The following TMEM164 variants were observed in gnomAD, a reference collection of about 807,000 sequenced individuals.
The protein encoded by TMEM164 is transmembrane protein 164, also known as RP13-360B22.2.
TMEM164 carries 4 observed loss-of-function variants against 18.8 expected under a neutral mutation model. That is an observed-to-expected ratio of 0.21 (90% confidence interval 0.10 to 0.49). The LOEUF (loss-of-function observed/expected upper bound fraction) is 0.49. Ranked by LOEUF, TMEM164 falls within the 20% of genes least tolerant of loss-of-function variation. The pLI is 0.98. For missense variants in TMEM164, 108 were observed against 239.9 expected (o/e 0.45, Z 3.63); for synonymous variants, 86 against 101.7 (o/e 0.85, Z 0.93).
At chrX:110,115,326 T>C (rs1245595886) in intron 4 of TMEM164, among the ~76,000 whole-genome samples, 1 of 112,435 alleles carries the variant, frequency 8.9e-6, no homozygotes, top group Non-Finnish European at 1.9e-5. Context: ...TGTCCCTTTA[T>C]TATCCTGAGG....
intron 6 of TMEM164, among the ~76,000 whole-genome samples, chrX:110,171,865 G>A (rs1440949752): frequency 8.9e-6 from 1 of 112,093 alleles, no homozygotes; most frequent in Non-Finnish European, 1.9e-5. Context: ...TTGGCCTGGG[G>A]GAGTCTTCTG....
At chrX:110,116,138 A>C (rs1000643153) in intron 4 of TMEM164, among the ~76,000 whole-genome samples, 3 of 112,047 alleles carry the variant, frequency 2.7e-5, no homozygotes, top group Admixed American at 9.5e-5. Context: ...TTGACTGCTA[A>C]ATTGCAGTTG....
intron 5 of TMEM164, among the ~76,000 whole-genome samples, chrX:110,170,293 AC>A (rs1299370994): frequency 1.8e-5 from 2 of 112,392 alleles, no homozygotes; most frequent in Admixed American, 9.3e-5. Context: ...GGTGGCGCAG[AC>A]CTCAGTCATC....
chrX:110,042,292 T>C (rs1935131283), intron 2 of TMEM164, among the ~76,000 whole-genome samples: 2 of 111,738 alleles, frequency 1.8e-5, no homozygotes, highest in South Asian at 7.5e-4. Context: ...ATATAATATT[T>C]GTCCTTTTAT....
chrX:110,128,534 T>C (rs2148024239), intron 4 of TMEM164, among the ~76,000 whole-genome samples: 1 of 111,741 alleles, frequency 8.9e-6, no homozygotes. Context: ...TCTTATTCTG[T>C]TTGGGAGCCT....
In TMEM164 at chrX:110,109,193, C is replaced by T. The variant is rs1160292752; in HGVS notation, c.507+47C>T. 2.5e-5 allele frequency: 28 copies of T among 1,107,656 alleles called. No individual in the cohort carries two copies. In the Admixed American group the frequency reaches 6.2e-4, roughly 24 times the overall value. 91.3% of individuals were successfully genotyped at this position (1,107,656 alleles called of 1,213,427 possible). A position where few individuals can be genotyped will look rare whatever the true frequency, so the allele number is the denominator to read the frequency against. On this transcript the variant is annotated intron_variant, in intron 4 of 6. Coordinates refer to ENST00000372068, the MANE Select transcript of TMEM164 (RefSeq NM_032227.4). ...TGTAACAGCAACATGCAAAGCAGTA[C>T]TTGCCTATATGCCCATGTGATTTTA...
chrX:110,014,559 C>T (rs905912459), intron 2 of TMEM164, among the ~76,000 whole-genome samples: 1 of 110,340 alleles, frequency 9.1e-6, no homozygotes, highest in Non-Finnish European at 1.9e-5. Context: ...GGAAGCTTAG[C>T]TTTCCGGGGA....
At chrX:110,093,488 T>C (rs773627625) in intron 3 of TMEM164, among the ~76,000 whole-genome samples, 53 of 112,414 alleles carry the variant, frequency 4.7e-4, no homozygotes, top group African/African-American at 1.6e-3. Context: ...GAGGTCTTTA[T>C]AGTATTCTCT....
At chrX:110,131,389 G>C (rs1374442494) in intron 4 of TMEM164, among the ~76,000 whole-genome samples, 1 of 111,595 alleles carries the variant, frequency 9.0e-6, no homozygotes, top group East Asian at 2.8e-4. Context: ...TACAATATGG[G>C]TGGAGGGTAA....
intron 4 of TMEM164, among the ~76,000 whole-genome samples, chrX:110,118,473 A>C (rs1331323829): frequency 9.0e-6 from 1 of 111,552 alleles, no homozygotes; most frequent in Non-Finnish European, 1.9e-5. Flanking sequence ...CCACTGTTAG[A>C]TAATGGTAAG....
At chrX:110,034,562 A>G (rs933642271) in intron 2 of TMEM164, among the ~76,000 whole-genome samples, 14 of 112,145 alleles carry the variant, frequency 1.2e-4, no homozygotes, top group Non-Finnish European at 3.8e-5. Flanking sequence ...AAAACTATAT[A>G]CAAATCAGTC....
chrX:110,113,609 T>C (rs2066321500), intron 4 of TMEM164, among the ~76,000 whole-genome samples: 1 of 112,117 alleles, frequency 8.9e-6, no homozygotes. Flanking sequence ...ACTGGTACCA[T>C]AGACATACAT....
At position 110,136,244 on chromosome X, in the gene TMEM164, G is replaced by T. The variant is rs1373999336; in HGVS notation, c.508-8554G>T. On this transcript the variant is annotated intron_variant, in intron 4 of 6. Transcript: ENST00000372068. ...TATTCTGTACCATGAATTCATCGTG[G>T]TTTTTTTAACTAGTCCCCTATTGAT... Among the ~76,000 whole-genome samples the T allele has an allele frequency of 1.4e-4, 16 of 111,205 alleles. 1 individual carries two copies. Among genetic ancestry groups the T allele is most frequent in the Non-Finnish European group, 2.8e-4 (15 of 53,018 alleles).
chrX:110,137,014 G>A (rs989258037), intron 4 of TMEM164, among the ~76,000 whole-genome samples: 2 of 112,138 alleles, frequency 1.8e-5, no homozygotes, highest in Non-Finnish European at 3.8e-5. Context: ...GGTGTGTGAA[G>A]AAAATGTTAG....
At chrX:110,044,106 C>G (rs1420571575) in intron 2 of TMEM164, among the ~76,000 whole-genome samples, 1 of 112,331 alleles carries the variant, frequency 8.9e-6, no homozygotes, top group African/African-American at 3.2e-5. Flanking sequence ...TTTCTCCCCC[C>G]AGAGGCTACT....
At chrX:110,075,220 T>C (rs1404363057) in intron 3 of TMEM164, among the ~76,000 whole-genome samples, 1 of 111,652 alleles carries the variant, frequency 9.0e-6, no homozygotes, top group Non-Finnish European at 1.9e-5. Flanking sequence ...TTTGTAGCTA[T>C]TGTAAAATGG....
chrX:110,154,640 G>C (rs1166167033), intron 5 of TMEM164, among the ~76,000 whole-genome samples: 1 of 111,526 alleles, frequency 9.0e-6, no homozygotes, highest in East Asian at 2.8e-4. Context: ...GGGTGGTCTG[G>C]AACTCCTGGC....
chrX:110,124,176 A>AAGGAAGGAAGGAAGGCAGGC (rs59507144), intron 4 of TMEM164, among the ~76,000 whole-genome samples: 22 of 77,165 alleles, frequency 2.9e-4, no homozygotes, highest in East Asian at 2.8e-3. Flanking sequence ...GGAAGGAAGG[A>AAGGAAGGAAGGAAGGCAGGC]AGGCAGGAAG....
chrX:110,014,409 T>A (rs183040126), intron 2 of TMEM164, among the ~76,000 whole-genome samples: 4 of 112,009 alleles, frequency 3.6e-5, no homozygotes, highest in East Asian at 5.6e-4. Context: ...TGTTTGAGGC[T>A]TAAGGACGTG....
Sources: allele counts gnomAD v4.1 joint callset (sites outside exome capture counted in the v4.1 genomes callset), GRCh38; gene constraint gnomAD v4.1.1; transcripts MANE v1.5; gene names NCBI Gene and HGNC (gene_info 2026-07-23, HGNC 2026-07-21).